Variants in PIAS3 observed in about 807,000 individuals in gnomAD.
PIAS3 encodes the protein protein inhibitor of activated STAT 3.
Under a neutral mutation model 67.6 loss-of-function variants are expected in PIAS3, and 34 were observed. The observed-to-expected ratio is 0.50, with a 90% CI of 0.38 to 0.67. The LOEUF (loss-of-function observed/expected upper bound fraction) is 0.67, where lower values mean the gene tolerates loss of function less well. PIAS3 is among the 30% of genes least tolerant of loss of function. The pLI is 0.00. For synonymous variants in PIAS3, 341 were observed against 313.8 expected, an observed-to-expected ratio of 1.09 and a Z score of -0.92; for missense variants, 693 against 791.6, an observed-to-expected ratio of 0.88 and a Z score of 1.49.
Position 145,854,516 on chromosome 1 carries a change from G to A in PIAS3, c.852C>T (p.Thr284=). 1 of 1,614,124 alleles carries A rather than the reference G, an allele frequency of 6.2e-7. No homozygotes were observed. ...VYLVRQLTAG[T]LLQKLRAKGI... is the part of the protein sequence containing the mutation. ...CCTTTGCTCTGAGTTTTTGTAGAAG[G>A]GTTCCTGCAGTCAACTGCCTCACCA... Residue 284 remains threonine (T), a synonymous_variant, in exon 7 of 14, where the codon ACC becomes ACT. Coordinates refer to ENST00000393045, the MANE Select transcript of PIAS3 (RefSeq NM_006099.3).
chr1:145,853,529 G>C lies in PIAS3; in HGVS notation c.1120C>G (p.Pro374Ala), dbSNP rs782054912. 4 of 1,612,962 alleles carry C rather than the reference G, an allele frequency of 2.5e-6. No individual in the cohort carries two copies. The Admixed American group carries it at 5.0e-5, about 20-fold the overall frequency. Residue 374 changes from proline to alanine, a missense_variant, in exon 9 of 14, where the codon CCC becomes GCC. Pro to Ala is a conservative substitution (Grantham distance 27). This residue lies in a region of PIAS3 where 115 missense variants were observed against 181.8 expected (regional missense o/e 0.63). Transcript: ENST00000393045. ...WTCPVCDKKA[P>A]YESLIIDGLF... is the part of the protein sequence containing the mutation. ...CCATCAATGATAAGAGATTCATAGG[G>C]AGCCTTCTTGTCACACACAGGACAT...
At chr1:145,850,388 G>A (rs1012442787) in intron 12 of PIAS3, 65 bp downstream of exon 12, 4 of 1,611,140 alleles carry the variant, frequency 2.5e-6, no homozygotes, top group African/African-American at 2.7e-5. Flanking sequence ...GAAGGAACAG[G>A]GGTTCTGATG....
At chr1:145,849,878 C>T (rs1553733732) in intron 13 of PIAS3, 166 bp from the exon 14 acceptor site, 3 of 1,466,746 alleles carry the variant, frequency 2.0e-6, no homozygotes, top group South Asian at 1.5e-5. Flanking sequence ...TCCCTACACC[C>T]TTCCCCTTTC....
rs782620678 is a variant in PIAS3 at position 145,850,436 on chromosome 1, T to C, written c.1582+17A>G. On this transcript the variant is annotated intron_variant, in intron 12 of 13. Coordinates refer to ENST00000393045, the MANE Select transcript of PIAS3 (RefSeq NM_006099.3). The stretch of plus-strand genomic sequence containing the variant: ...GGGTGTGGCAGTGCAGGGTCCATCT[T>C]ATGACCCATGTCATACCTTGGATGT... 1.9e-6 allele frequency: 3 copies of C among 1,613,946 alleles called. No homozygotes were observed. The highest frequency in any genetic ancestry group is 3.3e-5 in the Admixed American group (2 of 60,000).
At position 145,850,582 on chromosome 1, in the gene PIAS3, G is replaced by A; in HGVS notation, c.1453C>T (p.Leu485=). 6.2e-7 allele frequency: 1 copy of A among 1,614,044 alleles called. No individual in the cohort carries two copies. The highest frequency in any genetic ancestry group is 8.5e-7 in the Non-Finnish European group (1 of 1,179,934). Residue 485 remains leucine, a synonymous_variant, in exon 12 of 14, where the codon CTG becomes TTG. Transcript: ENST00000393045. ...GAGGATGGCTGGTGGCCAGATGTCA[G>A]GACTCTGTGGGTAGAGAGGAGCTGA... ...IPALPGSKGV[L]TSGHQPSSVL...
In PIAS3 at chr1:145,853,517, G is replaced by C. The variant is rs1419763918; in HGVS notation, c.1132C>G (p.Leu378Val). ...AAATGGCCCTACCCATCAATGATAA[G>C]AGATTCATAGGGAGCCTTCTTGTCA... is the stretch of plus-strand genomic sequence containing the variant. ...VCDKKAPYES[L>V]IIDGLFMEIL... is the part of the protein sequence containing the mutation. The change falls in exon 9 of 14, where the codon CTT becomes GTT. Residue 378 changes from leucine to valine, a missense_variant. By Grantham distance (32) the Leu-to-Val change is conservative. Transcript: ENST00000393045. 6.2e-7 allele frequency: 1 copy of C among 1,610,596 alleles called. No homozygotes were observed. Among genetic ancestry groups the C allele is most frequent in the African/African-American group, 1.3e-5 (1 of 74,782 alleles).
intron 13 of PIAS3, 109 bp downstream of exon 13, chr1:145,850,123 G>A (rs1172816140): frequency 2.0e-5 from 31 of 1,578,422 alleles, no homozygotes; most frequent in African/African-American, 8.2e-5. Flanking sequence ...CTGCCCTCAC[G>A]GGAAAGCAGA....
intron 1 of PIAS3, among the ~76,000 whole-genome samples, chr1:145,858,203 G>A (rs1653270856): frequency 6.6e-6 from 1 of 152,098 alleles, no homozygotes; most frequent in South Asian, 2.1e-4. Context: ...TCTTCTCATA[G>A]GAGGCTTTGT....
intron 1 of PIAS3, among the ~76,000 whole-genome samples, 153 bp downstream of exon 1, chr1:145,858,814 T>A (rs587654118): frequency 5.6e-5 from 7 of 124,700 alleles, no homozygotes; most frequent in Non-Finnish European, 9.9e-5. Flanking sequence ...AGCCCCTTCC[T>A]CGCTCTCAGC....
At chr1:145,854,388 T>A in intron 7 of PIAS3, 70 bp downstream of exon 7, 1 of 1,085,086 alleles carries the variant, frequency 9.2e-7, no homozygotes, top group East Asian at 2.4e-5. Flanking sequence ...TGGGTTTAAT[T>A]ATGAAGGCTG....
Position 145,856,580 on chromosome 1 carries a change from G to A in PIAS3, c.442+9C>T. 2 of 1,571,502 alleles carry A rather than the reference G, an allele frequency of 1.3e-6. No individual in the cohort carries two copies. Among genetic ancestry groups the A allele is most frequent in the Non-Finnish European group, 1.7e-6 (2 of 1,158,268 alleles). On this transcript the variant is annotated intron_variant, in intron 2 of 13. Coordinates refer to ENST00000393045, the MANE Select transcript of PIAS3 (RefSeq NM_006099.3). ...GTCCAGAAGACTAAGGGACCACAAA[G>A]AGCCATACCAAGGGTGGTGGGCCGG... is the stretch of plus-strand genomic sequence containing the variant.
Position 145,856,377 on chromosome 1 carries a change from GGT to G in PIAS3, c.495_496del (p.Gln167AlafsTer18). The G allele has an allele frequency of 3.1e-6, 5 of 1,614,016 alleles. No homozygotes were observed. The highest frequency in any genetic ancestry group is 4.2e-6 in the Non-Finnish European group (5 of 1,179,906). ...TGTAAGAATCTGCTGCACTTGCTGGGGTGTGAGGGCAAAGGTAAAGTGCGCTT... is the reference window on the plus strand; with the variant it reads ...TGTAAGAATCTGCTGCACTTGCTGGGGTGAGGGCAAAGGTAAAGTGCGCTT... On this transcript the variant is annotated frameshift_variant, in exon 3 of 14. Transcript: ENST00000393045. LOFTEE classifies it high-confidence loss of function.
At position 145,849,687 on chromosome 1, in the gene PIAS3, G is replaced by A; in HGVS notation, c.1646C>T (p.Ser549Leu). 1 of 1,609,652 alleles carries A rather than the reference G, an allele frequency of 6.2e-7. No homozygotes were observed. The highest frequency in any genetic ancestry group is 8.5e-7 in the Non-Finnish European group (1 of 1,177,964). ...SQHYGPSVIT[S>L]LDEQDALGHF... is the part of the protein sequence containing the mutation. ...GCCAAGGGCATCCTGTTCATCTAGT[G>A]AGGTGATGACAGAGGGGCCATAGTG... The change falls in exon 14 of 14, where the codon TCA becomes TTA. Residue 549 changes from serine to leucine, a missense_variant. This residue lies in a region of PIAS3 where 270 missense variants were observed against 261.0 expected (regional missense o/e 1.03). Coordinates refer to ENST00000393045, the MANE Select transcript of PIAS3 (RefSeq NM_006099.3).
intron 7 of PIAS3, chr1:145,854,104 C>T: frequency 1.7e-6 from 1 of 600,868 alleles, no homozygotes; most frequent in Non-Finnish European, 3.0e-6. Flanking sequence ...CATAGCGTGA[C>T]ACTCTGGCTA....
In PIAS3 at chr1:145,853,645, G is replaced by C; in HGVS notation, c.1004C>G (p.Thr335Ser). 6.2e-7 allele frequency: 1 copy of C among 1,614,020 alleles called. No homozygotes were observed. The highest frequency in any genetic ancestry group is 8.5e-7 in the Non-Finnish European group (1 of 1,179,948). ...GCAGGTGAGGGCACGACAAGGGACA[G>C]TCAGGCGCATCTTCCCTAGCTGAGG... ...LMCPLGKMRL[T>S]VPCRALTCAH... is the part of the protein sequence containing the mutation. The change falls in exon 9 of 14, where the codon ACT becomes AGT. Residue 335 changes from threonine to serine, a missense_variant. By Grantham distance (58) the Thr-to-Ser change is moderately conservative. Around this residue, in one of 3 missense-constraint regions of PIAS3, gnomAD observed 115 missense variants for 181.8 expected, o/e 0.63. Coordinates refer to ENST00000393045, the MANE Select transcript of PIAS3 (RefSeq NM_006099.3).
intron 6 of PIAS3, 49 bp from the exon 7 acceptor site, chr1:145,854,612 C>T: frequency 6.4e-7 from 1 of 1,569,578 alleles, no homozygotes; most frequent in Non-Finnish European, 8.8e-7. Context: ...CTCATACCAC[C>T]ACTGCCCACT....
chr1:145,850,189 A>G (rs1652900061), intron 13 of PIAS3, 43 bp downstream of exon 13: 1 of 1,613,372 alleles, frequency 6.2e-7, no homozygotes, highest in Non-Finnish European at 8.5e-7. Flanking sequence ...TCTAGAAAGG[A>G]AGCTTCAGAG....
Position 145,854,060 on chromosome 1 carries a change from G to C in PIAS3, c.911-174C>G, listed in dbSNP as rs184376613. On this transcript the variant is annotated intron_variant, in intron 7 of 13. Transcript: ENST00000393045. ...GGGATATGGATGATGAAGGCTGGGT[G>C]TGGGGGATTTTCCCATCCCTGAAGA... 1,252 of 613,080 alleles carry C rather than the reference G, an allele frequency of 2.0e-3. 4 individuals carry two copies. The highest frequency in any genetic ancestry group is 3.5e-3 in the South Asian group (182 of 51,300). The allele number at this position is 613,080 out of a possible 1,614,324, so 38.0% of individuals were successfully genotyped here. A position where few individuals can be genotyped will look rare whatever the true frequency, so the allele number is the denominator to read the frequency against.
chr1:145,855,783 G>T lies in PIAS3; in HGVS notation c.622C>A (p.Pro208Thr). 1 of 1,610,560 alleles carries T rather than the reference G, an allele frequency of 6.2e-7. No individual in the cohort carries two copies. The highest frequency in any genetic ancestry group is 8.5e-7 in the Non-Finnish European group (1 of 1,176,854). Residue 208 changes from proline (P) to threonine (T), a missense_variant, in exon 5 of 14, where the codon CCC becomes ACC. Physicochemically the swap from Pro to Thr is conservative, Grantham distance 38. Coordinates refer to ENST00000393045, the MANE Select transcript of PIAS3 (RefSeq NM_006099.3). Reference sequence around the variant, plus strand: ...TTGACCTTGACAAAGAGGTTGGGGGGAAAATAATCTTCCTGGGGGCAGCTG... The same window carrying T: ...TTGACCTTGACAAAGAGGTTGGGGGTAAAATAATCTTCCTGGGGGCAGCTG... ...ETSCPQEDYF[P>T]PNLFVKVNGK...
Sources: gnomAD v4.1 joint callset for allele counts (sites outside exome capture counted in the v4.1 genomes callset) on GRCh38, gnomAD v4.1.1 for gene constraint, gnomAD v4.1.1 regional missense constraint, MANE v1.5 for transcripts, NCBI Gene and HGNC (gene_info 2026-07-23, HGNC 2026-07-21) for gene names.